PACSIN2: variants seen among roughly 807,000 people sequenced by gnomAD.
PACSIN2 encodes protein kinase C and casein kinase substrate in neurons protein 2.
In PACSIN2, 25 loss-of-function variants were observed where a neutral mutation model predicts 63.8. The observed-to-expected ratio is 0.39, with a 90% CI of 0.29 to 0.55. The LOEUF (loss-of-function observed/expected upper bound fraction) is 0.55. PACSIN2 is among the 20% of genes least tolerant of loss of function. The pLI is 0.62. For synonymous variants in PACSIN2, 255 were observed against 256.2 expected, an observed-to-expected ratio of 1.00 and a Z score of 0.05; for missense variants, 518 against 646.9, an observed-to-expected ratio of 0.80 and a Z score of 2.16.
chr22:42,927,929 A>G (rs1932643408), intron 1 of PACSIN2, among the ~76,000 whole-genome samples: 1 of 152,074 alleles, frequency 6.6e-6, no homozygotes, highest in African/African-American at 2.4e-5. Context: ...TCATGGTCCC[A>G]TACTCCACTG....
At chr22:42,985,811 G>C (rs1180490851) in intron 1 of PACSIN2, among the ~76,000 whole-genome samples, 1 of 152,084 alleles carries the variant, frequency 6.6e-6, no homozygotes, top group Non-Finnish European at 1.5e-5. Context: ...CCCCATGCAG[G>C]AATCACTGAG....
intron 1 of PACSIN2, among the ~76,000 whole-genome samples, chr22:42,994,514 T>A (rs1331159576): frequency 2.0e-5 from 3 of 152,246 alleles, no homozygotes; most frequent in Non-Finnish European, 4.4e-5. Context: ...TCAGCCACCT[T>A]TGGCTGGAGG....
At chr22:42,902,463 GAA>G (rs988652787) in intron 2 of PACSIN2, among the ~76,000 whole-genome samples, 2 of 152,204 alleles carry the variant, frequency 1.3e-5, no homozygotes, top group Non-Finnish European at 2.9e-5. Context: ...ATGCCAGGCA[GAA>G]AGAGGACACC....
Position 42,871,343 on chromosome 22 carries a change from C to A in PACSIN2, c.*14G>T. The A allele has an allele frequency of 1.3e-6, 2 of 1,579,918 alleles. No individual in the cohort carries two copies. The highest frequency in any genetic ancestry group is 1.1e-5 in the South Asian group (1 of 90,372). Reference sequence around the variant, plus strand: ...CCGCCGCCTCCGTCCCCCCGCTGGCCTGTCCCCGACTCATCACTGGATCGC... The same window carrying A: ...CCGCCGCCTCCGTCCCCCCGCTGGCATGTCCCCGACTCATCACTGGATCGC... On this transcript the variant is annotated 3_prime_UTR_variant, in exon 11 of 11. Transcript: ENST00000263246. The surrounding 1 kb of genome is among the most constrained non-coding windows in gnomAD (Gnocchi z 5.4).
chr22:42,903,778 GA>G (rs1268497940), intron 2 of PACSIN2, among the ~76,000 whole-genome samples: 1 of 152,138 alleles, frequency 6.6e-6, no homozygotes, highest in African/African-American at 2.4e-5. Flanking sequence ...ATCCAGACTC[GA>G]TTCTGACCCA....
chr22:42,936,920 G>GC, intron 1 of PACSIN2, among the ~76,000 whole-genome samples: 1 of 150,226 alleles, frequency 6.7e-6, no homozygotes, highest in South Asian at 2.2e-4. Context: ...CAAAAAAAGG[G>GC]GGGGGGGCAG....
At chr22:42,909,580 C>T (rs1277348247) in intron 2 of PACSIN2, 1 of 471,144 alleles carries the variant, frequency 2.1e-6, no homozygotes, top group Non-Finnish European at 4.4e-6. Context: ...AGAGTAATTT[C>T]AGGGACAGCA....
intron 1 of PACSIN2, among the ~76,000 whole-genome samples, chr22:42,935,270 C>A (rs532522999): frequency 1.3e-5 from 2 of 152,082 alleles, no homozygotes; most frequent in African/African-American, 4.8e-5. Context: ...GCAGTGTCTG[C>A]GCCATATTCC....
intron 1 of PACSIN2, among the ~76,000 whole-genome samples, chr22:42,981,812 CG>C (rs1229101179): frequency 2.4e-5 from 3 of 122,726 alleles, no homozygotes; most frequent in African/African-American, 9.3e-5. Flanking sequence ...CCGCCCAGTC[CG>C]GGAGGGAGGT....
chr22:42,934,574 C>G (rs1932853253), intron 1 of PACSIN2, among the ~76,000 whole-genome samples: 1 of 152,276 alleles, frequency 6.6e-6, no homozygotes, highest in Admixed American at 6.5e-5. Flanking sequence ...GTGCAGCACA[C>G]TGCCACCTGA....
At chr22:42,930,595 G>T (rs1020379331) in intron 1 of PACSIN2, among the ~76,000 whole-genome samples, 1 of 152,154 alleles carries the variant, frequency 6.6e-6, no homozygotes, top group East Asian at 1.9e-4. Context: ...AATGCATTTG[G>T]AAGTATGAAA....
chr22:42,893,389 C>T (rs987133231), intron 3 of PACSIN2, 68 bp downstream of exon 3: 38 of 1,508,828 alleles, frequency 2.5e-5, no homozygotes, highest in East Asian at 6.7e-5. Flanking sequence ...AGGGTCACAA[C>T]GTGCCCAGAG....
intron 1 of PACSIN2, among the ~76,000 whole-genome samples, chr22:42,954,384 T>C (rs1007994027): frequency 1.1e-4 from 17 of 152,158 alleles, no homozygotes; most frequent in African/African-American, 4.1e-4. Flanking sequence ...AAAAAGTAGT[T>C]AGTCCAAGTG....
In PACSIN2 at chr22:42,870,035, C is replaced by T. The variant is rs1802968743; in HGVS notation, c.*1322G>A. 6.6e-6 allele frequency: 1 copy of T among 152,010 alleles called. No homozygotes were observed. The highest frequency in any genetic ancestry group is 1.5e-5 in the Non-Finnish European group (1 of 68,014). The allele number at this position is 152,010 out of a possible 1,614,324, so 9.4% of individuals were successfully genotyped here. A position where few individuals can be genotyped will look rare whatever the true frequency, so the allele number is the denominator to read the frequency against. On this transcript the variant is annotated 3_prime_UTR_variant, in exon 11 of 11. Coordinates refer to ENST00000263246, the MANE Select transcript of PACSIN2 (RefSeq NM_001184970.3). ...TGAAACACAGGTTCCCCCACGTTCC[C>T]CCCACCCCCGCCGGCCCGCGTGGCC...
chr22:42,986,823 C>T (rs1186649706), intron 1 of PACSIN2, among the ~76,000 whole-genome samples: 2 of 152,158 alleles, frequency 1.3e-5, no homozygotes, highest in East Asian at 3.9e-4. Context: ...AATCTCTATC[C>T]TTTTCTACCC....
chr22:42,924,895 T>C (rs965036870), intron 1 of PACSIN2, among the ~76,000 whole-genome samples: 7 of 152,030 alleles, frequency 4.6e-5, no homozygotes, highest in African/African-American at 1.7e-4. Context: ...TAGCTGGGAC[T>C]ACAGGTGCCT....
intron 1 of PACSIN2, among the ~76,000 whole-genome samples, chr22:42,944,773 C>T (rs1933336200): frequency 1.3e-5 from 2 of 152,174 alleles, no homozygotes; most frequent in Non-Finnish European, 2.9e-5. Context: ...GGCAGAGTGG[C>T]ACAGCGCATC....
intron 1 of PACSIN2, among the ~76,000 whole-genome samples, chr22:42,934,393 C>T (rs1052627801): frequency 6.6e-6 from 1 of 152,216 alleles, no homozygotes; most frequent in Admixed American, 6.5e-5. Flanking sequence ...TTCTTGGCTT[C>T]TGTGTACTCC....
intron 2 of PACSIN2, among the ~76,000 whole-genome samples, chr22:42,897,752 T>G (rs1930389816): frequency 6.6e-6 from 1 of 151,406 alleles, no homozygotes; most frequent in Admixed American, 6.6e-5. Context: ...GAGGAGGGGG[T>G]GAGAGGTATC....
Sources: allele counts gnomAD v4.1 joint callset (sites outside exome capture counted in the v4.1 genomes callset), GRCh38; gene constraint gnomAD v4.1.1; non-coding constraint Gnocchi (gnomAD v3.1); transcripts MANE v1.5; gene names NCBI Gene and HGNC (gene_info 2026-07-23, HGNC 2026-07-21).